Variants in DISC1 observed in about 807,000 individuals in gnomAD.
The protein encoded by DISC1 is DISC1 scaffold protein, also known as disrupted in schizophrenia 1 protein.
Under a neutral mutation model 84.5 loss-of-function variants are expected in DISC1, and 57 were observed. That is an observed-to-expected ratio of 0.67 (90% CI 0.55 to 0.84). The LOEUF is 0.84. Among genes scored for constraint, DISC1 ranks in the 40% least tolerant of loss-of-function variants. DISC1 has a pLI of 0.00. For synonymous variants in DISC1, 411 were observed against 415.2 expected (o/e 0.99, Z 0.12); for missense variants, 1,000 against 1,057.8 (o/e 0.95, Z 0.76).
rs1311795156 is a variant in DISC1, at chr1:231,693,930, TC to T, written c.176del (p.Pro59GlnfsTer50). The part of the protein sequence containing the change: ...SSTGPGIGFL[S>X]PAVGTLFRFP... ...GACAGGGCCTGGGATCGGGTTCCTTTCCCCAGCAGTGGGCACACTGTTCCGG... is the reference window on the plus strand; with the variant it reads ...GACAGGGCCTGGGATCGGGTTCCTTTCCCAGCAGTGGGCACACTGTTCCGG... On this transcript the variant is annotated frameshift_variant, in exon 2 of 13. Coordinates refer to ENST00000439617, the MANE Select transcript of DISC1 (RefSeq NM_018662.3). LOFTEE classifies it high-confidence loss of function. 2 of 1,613,976 alleles carry T rather than the reference TC, an allele frequency of 1.2e-6. No homozygotes were observed. Among genetic ancestry groups the T allele is most frequent in the Admixed American group, 3.3e-5 (2 of 60,004 alleles).
intron 11 of DISC1, among the ~76,000 whole-genome samples, chr1:232,022,533 C>T (rs776252868): frequency 6.6e-6 from 1 of 152,080 alleles, no homozygotes; most frequent in African/African-American, 2.4e-5. Context: ...GTCTCGATCT[C>T]TTGACCTTGT....
At chr1:231,802,496 A>G (rs1454676461) in intron 8 of DISC1, among the ~76,000 whole-genome samples, 1 of 152,174 alleles carries the variant, frequency 6.6e-6, no homozygotes, top group Non-Finnish European at 1.5e-5. Flanking sequence ...CTCAGGTGGT[A>G]TCTTTATAGT....
chr1:232,027,160 G>A (rs939642293), intron 12 of DISC1, among the ~76,000 whole-genome samples: 15 of 152,206 alleles, frequency 9.9e-5, no homozygotes, highest in African/African-American at 3.6e-4. Context: ...ATCCAGCTCT[G>A]TGTGGCCCTG....
intron 9 of DISC1, 106 bp from the exon 10 acceptor site, chr1:231,958,722 C>G (rs991706096): frequency 9.1e-6 from 10 of 1,104,758 alleles, no homozygotes; most frequent in Non-Finnish European, 1.2e-5. Context: ...GTTACGATTA[C>G]TAGTGGCTTG....
intron 1 of DISC1, among the ~76,000 whole-genome samples, chr1:231,633,940 G>T (rs954509730): frequency 6.8e-6 from 1 of 147,146 alleles, no homozygotes. Context: ...CTGGAGTGCA[G>T]TGGCGCAGTC....
At position 231,725,252 on chromosome 1, in the gene DISC1, G is replaced by A. The variant is rs549184408; in HGVS notation, c.1117+23228G>A. ...TACATCCTGGAATAATGGTGGTGAG[G>A]TAGGAAACTGGCAAGACTTATTTTG... On this transcript the variant is annotated intron_variant, in intron 3 of 12. Coordinates refer to ENST00000439617, the MANE Select transcript of DISC1 (RefSeq NM_018662.3). Among the ~76,000 whole-genome samples the A allele has an allele frequency of 2.0e-5, 3 of 152,340 alleles. No individual in the cohort carries two copies. The South Asian group carries it at 6.2e-4, about 32-fold the overall frequency.
At chr1:231,683,179 A>G (rs1384191280) in intron 1 of DISC1, among the ~76,000 whole-genome samples, 5 of 152,206 alleles carry the variant, frequency 3.3e-5, no homozygotes, top group Non-Finnish European at 1.5e-5. Context: ...TGGGGGAGAG[A>G]GAGTATTCTG....
At chr1:231,714,686 CAGAA>C (rs1305050003) in intron 3 of DISC1, among the ~76,000 whole-genome samples, 3 of 148,454 alleles carry the variant, frequency 2.0e-5, no homozygotes, top group Admixed American at 6.7e-5. Context: ...AGAAGAGAGA[CAGAA>C]AGAGAGAGAT....
intron 2 of DISC1, among the ~76,000 whole-genome samples, chr1:231,697,089 A>C (rs2065805650): frequency 6.6e-6 from 1 of 152,198 alleles, no homozygotes; most frequent in African/African-American, 2.4e-5. Context: ...TGGGCTGGTC[A>C]GGGACTTGTT....
At chr1:231,994,426 C>G (rs1665629444) in intron 10 of DISC1, among the ~76,000 whole-genome samples, 1 of 152,214 alleles carries the variant, frequency 6.6e-6, no homozygotes, top group African/African-American at 2.4e-5. Flanking sequence ...ATTACTCCCT[C>G]TCTGTTCTAT....
At chr1:231,948,173 C>G (rs886628761) in intron 9 of DISC1, among the ~76,000 whole-genome samples, 17 of 152,112 alleles carry the variant, frequency 1.1e-4, no homozygotes, top group African/African-American at 3.9e-4. Flanking sequence ...TATTGTGGCA[C>G]TATTCACAAT....
chr1:231,783,497 T>C (rs1284525424), intron 6 of DISC1, among the ~76,000 whole-genome samples: 1 of 152,212 alleles, frequency 6.6e-6, no homozygotes, highest in East Asian at 1.9e-4. Flanking sequence ...TTTTGGCACA[T>C]GAATTACAGT....
intron 3 of DISC1, among the ~76,000 whole-genome samples, chr1:231,730,226 T>C (rs1016174050): frequency 6.6e-6 from 1 of 152,206 alleles, no homozygotes; most frequent in Non-Finnish European, 1.5e-5. Flanking sequence ...AGATAAATAA[T>C]GAATGGCATT....
In DISC1 at chr1:231,724,357, A is replaced by G. The variant is rs190729208; in HGVS notation, c.1117+22333A>G. On this transcript the variant is annotated intron_variant, in intron 3 of 12. Transcript: ENST00000439617. ...GATTTCTTCCCGAGGACTTCTTACT[A>G]TGTTTAAAGATGGCAGTGAAGTGGC... 1.6e-3 allele frequency among the ~76,000 whole-genome samples: 237 copies of G among 152,216 alleles called. 2 individuals are homozygous for G. The highest frequency in any genetic ancestry group is 5.2e-3 in the African/African-American group (218 of 41,534).
At chr1:231,913,518 G>C (rs2089409212) in intron 9 of DISC1, among the ~76,000 whole-genome samples, 1 of 152,180 alleles carries the variant, frequency 6.6e-6, no homozygotes, top group Non-Finnish European at 1.5e-5. Context: ...CGAGGTGCCT[G>C]GGCTGCACCA....
intron 1 of DISC1, among the ~76,000 whole-genome samples, chr1:231,690,798 G>A (rs998968140): frequency 2.2e-4 from 33 of 152,136 alleles, no homozygotes; most frequent in Admixed American, 1.8e-3. Context: ...AGTGCCCTCC[G>A]GATCTGCCCT....
chr1:231,926,554 C>T (rs532197292), intron 9 of DISC1, among the ~76,000 whole-genome samples: 1 of 152,276 alleles, frequency 6.6e-6, no homozygotes, highest in South Asian at 2.1e-4. Context: ...CTCACCATTT[C>T]TATAAACTTG....
chr1:231,729,464 A>G (rs753111450), intron 3 of DISC1, among the ~76,000 whole-genome samples: 8 of 152,210 alleles, frequency 5.3e-5, no homozygotes, highest in Non-Finnish European at 8.8e-5. Context: ...GTGTGCTAGA[A>G]GCATTGCTCT....
intron 1 of DISC1, among the ~76,000 whole-genome samples, chr1:231,654,333 A>G (rs2060888624): frequency 6.6e-6 from 1 of 151,446 alleles, no homozygotes; most frequent in Admixed American, 6.7e-5. Context: ...TAAATTAATT[A>G]CTTTTATTTT....
Sources: allele counts gnomAD v4.1 joint callset (sites outside exome capture counted in the v4.1 genomes callset), GRCh38; gene constraint gnomAD v4.1.1; transcripts MANE v1.5; gene names NCBI Gene and HGNC (gene_info 2026-07-23, HGNC 2026-07-21).